The following TAFA5 variants were observed in gnomAD, a reference collection of about 807,000 sequenced individuals.
The protein encoded by TAFA5 is TAFA chemokine like family member 5.
TAFA5 carries 6 observed loss-of-function variants against 15.3 expected under a neutral mutation model. That is an observed-to-expected ratio of 0.39 (90% CI 0.21 to 0.77). The LOEUF (loss-of-function observed/expected upper bound fraction) is 0.77. TAFA5 is among the 30% of genes least tolerant of loss of function. The pLI is 0.41. For missense variants in TAFA5, 161 were observed against 193.1 expected, an observed-to-expected ratio of 0.83 and a Z score of 0.98; for synonymous variants, 103 against 80.7, an observed-to-expected ratio of 1.28 and a Z score of -1.48.
chr22:48,681,782 T>G (rs1209075861), intron 2 of TAFA5, among the ~76,000 whole-genome samples: 1 of 152,174 alleles, frequency 6.6e-6, no homozygotes, highest in Non-Finnish European at 1.5e-5. Context: ...GGGTCTGTCC[T>G]TCTTGCACAC....
At chr22:48,743,679 C>T (rs577903772) in intron 3 of TAFA5, among the ~76,000 whole-genome samples, 32 of 152,300 alleles carry the variant, frequency 2.1e-4, no homozygotes, top group African/African-American at 6.5e-4. Flanking sequence ...TGGGCCCCGC[C>T]GTGGGCAGCC....
Position 48,566,363 on chromosome 22 carries a change from G to A in TAFA5, c.112+76659G>A, listed in dbSNP as rs1041759390. On this transcript the variant is annotated intron_variant, in intron 1 of 3. Transcript: ENST00000402357. The surrounding 1 kb of genome is among the most constrained non-coding windows in gnomAD (Gnocchi z 4.5). The stretch of plus-strand genomic sequence containing the variant: ...GATGAATGGATGGTGATGGGTGGAC[G>A]GATGGTGGATGGATGGGTGGATGGT... Among the ~76,000 whole-genome samples the A allele has an allele frequency of 2.0e-5, 3 of 151,750 alleles. No individual in the cohort carries two copies. Among genetic ancestry groups the A allele is most frequent in the East Asian group, 1.9e-4 (1 of 5,158 alleles).
At chr22:48,521,701 G>A (rs1339810702) in intron 1 of TAFA5, among the ~76,000 whole-genome samples, 2 of 152,194 alleles carry the variant, frequency 1.3e-5, no homozygotes, top group African/African-American at 4.8e-5. Context: ...TCCGTTAGGT[G>A]TAAAAGGTAA....
At chr22:48,689,921 A>G (rs1022671436) in intron 2 of TAFA5, among the ~76,000 whole-genome samples, 1 of 152,162 alleles carries the variant, frequency 6.6e-6, no homozygotes, top group East Asian at 1.9e-4. Flanking sequence ...CCCAGGAGCC[A>G]GTCCCTCCAG....
chr22:48,677,671 A>G (rs1928019479), intron 2 of TAFA5, among the ~76,000 whole-genome samples: 1 of 152,102 alleles, frequency 6.6e-6, no homozygotes, highest in Non-Finnish European at 1.5e-5. Flanking sequence ...GCCAAGGCCC[A>G]GAGGAAGCAG....
At chr22:48,675,770 CT>C (rs1447413738) in intron 2 of TAFA5, among the ~76,000 whole-genome samples, 1 of 152,278 alleles carries the variant, frequency 6.6e-6, no homozygotes, top group Non-Finnish European at 1.5e-5. Flanking sequence ...CTCCTGCTCT[CT>C]TATTCTTCAA....
chr22:48,591,482 A>G (rs1924565601), intron 1 of TAFA5, among the ~76,000 whole-genome samples: 1 of 152,210 alleles, frequency 6.6e-6, no homozygotes, highest in Non-Finnish European at 1.5e-5. Flanking sequence ...CCCTGGATGG[A>G]GAGCACAGAC....
intron 1 of TAFA5, among the ~76,000 whole-genome samples, chr22:48,634,120 G>GCTTA: frequency 6.6e-6 from 1 of 150,856 alleles, no homozygotes. Flanking sequence ...TCACTCACTC[G>GCTTA]CTCACTCACT....
intron 2 of TAFA5, among the ~76,000 whole-genome samples, chr22:48,700,417 G>A (rs906630633): frequency 1.3e-5 from 2 of 152,310 alleles, no homozygotes; most frequent in Non-Finnish European, 2.9e-5. Context: ...GAGCTCCCGG[G>A]GCAGAGCAGG....
chr22:48,668,531 A>G (rs13056037), intron 2 of TAFA5, among the ~76,000 whole-genome samples: 2 of 6,934 alleles, frequency 2.9e-4, no homozygotes, highest in Non-Finnish European at 4.1e-4. Context: ...CCCAGCACTC[A>G]GGGCCGCATC....
At chr22:48,527,373 A>G (rs1469986865) in intron 1 of TAFA5, among the ~76,000 whole-genome samples, 4 of 152,214 alleles carry the variant, frequency 2.6e-5, no homozygotes, top group Non-Finnish European at 4.4e-5. Context: ...ATGAGCAGCT[A>G]TGGTGTCGCC....
At chr22:48,521,755 T>G (rs12158560) in intron 1 of TAFA5, among the ~76,000 whole-genome samples, 9 of 152,150 alleles carry the variant, frequency 5.9e-5, no homozygotes, top group Non-Finnish European at 1.2e-4. Context: ...TGCCCCAATC[T>G]TCGTTGAATT....
intron 1 of TAFA5, among the ~76,000 whole-genome samples, chr22:48,634,062 G>A (rs1926344750): frequency 6.6e-6 from 1 of 152,184 alleles, no homozygotes; most frequent in African/African-American, 2.4e-5. Flanking sequence ...AGACTCAGCA[G>A]GCGAGAAGTC....
At chr22:48,684,508 C>T (rs1928293816) in intron 2 of TAFA5, among the ~76,000 whole-genome samples, 1 of 152,180 alleles carries the variant, frequency 6.6e-6, no homozygotes, top group Admixed American at 6.5e-5. Context: ...AGGCTGGACA[C>T]CCAGGACTCA....
At chr22:48,646,341 C>T (rs1050451842) in intron 1 of TAFA5, among the ~76,000 whole-genome samples, 1 of 152,208 alleles carries the variant, frequency 6.6e-6, no homozygotes, top group Non-Finnish European at 1.5e-5. Flanking sequence ...TTCCTGTCTG[C>T]CAAGGCAGCA....
chr22:48,579,816 C>T (rs1923965574), intron 1 of TAFA5, among the ~76,000 whole-genome samples: 1 of 152,216 alleles, frequency 6.6e-6, no homozygotes, highest in Admixed American at 6.5e-5. Context: ...AGGCAGGCCA[C>T]AGCGGCAGAG....
At chr22:48,649,731 G>A (rs1184783226) in intron 2 of TAFA5, among the ~76,000 whole-genome samples, 3 of 152,084 alleles carry the variant, frequency 2.0e-5, no homozygotes, top group Non-Finnish European at 4.4e-5. Context: ...CATGGTGGCC[G>A]GGGCGCCTTC....
chr22:48,704,091 C>G (rs1034469541), intron 2 of TAFA5, among the ~76,000 whole-genome samples: 1 of 152,112 alleles, frequency 6.6e-6, no homozygotes, highest in Non-Finnish European at 1.5e-5. Flanking sequence ...CGCCATGGTA[C>G]GGGGTGGATG....
At chr22:48,511,083 T>G (rs899622125) in intron 1 of TAFA5, among the ~76,000 whole-genome samples, 1 of 152,190 alleles carries the variant, frequency 6.6e-6, no homozygotes, top group South Asian at 2.1e-4. Context: ...ACCAGGACAT[T>G]GCATGACCCA....
Sources: allele counts gnomAD v4.1 joint callset (sites outside exome capture counted in the v4.1 genomes callset), GRCh38; gene constraint gnomAD v4.1.1; non-coding constraint Gnocchi (gnomAD v3.1); transcripts MANE v1.5; gene names NCBI Gene and HGNC (gene_info 2026-07-23, HGNC 2026-07-21).